XYLT1: variants seen among roughly 807,000 people sequenced by gnomAD.
XYLT1 encodes the protein beta-D-xylosyltransferase 1.
XYLT1 carries 36 observed loss-of-function variants against 91.3 expected under a neutral mutation model. The ratio of observed to expected loss-of-function variants is 0.39; its 90% CI spans 0.30 to 0.52. The LOEUF is 0.52. XYLT1 is among the 20% of genes least tolerant of loss of function. The probability of loss-of-function intolerance (pLI) is 0.68; values close to 1 mark genes in which losing one functional copy is unlikely to be tolerated. For missense variants in XYLT1, 1,242 were observed against 1,284.5 expected (o/e 0.97, Z 0.51); for synonymous variants, 588 against 532.0 (o/e 1.11, Z -1.45).
At chr16:17,423,919 C>T (rs1227078460) in intron 1 of XYLT1, among the ~76,000 whole-genome samples, 1 of 152,164 alleles carries the variant, frequency 6.6e-6, no homozygotes, top group Non-Finnish European at 1.5e-5. Flanking sequence ...CTCATCATGC[C>T]ACAGCAGTGG....
At chr16:17,219,872 T>C (rs1198727622) in intron 3 of XYLT1, among the ~76,000 whole-genome samples, 2 of 152,042 alleles carry the variant, frequency 1.3e-5, no homozygotes, top group African/African-American at 4.8e-5. Flanking sequence ...CTACTAGAAA[T>C]ACAAAAAAAT....
At chr16:17,380,999 G>C (rs1172989695) in intron 1 of XYLT1, among the ~76,000 whole-genome samples, 1 of 152,198 alleles carries the variant, frequency 6.6e-6, no homozygotes, top group Admixed American at 6.5e-5. Context: ...CAGGGGCTGG[G>C]GGTGAGAGTG....
chr16:17,211,588 TATAG>T (rs922968326), intron 3 of XYLT1, among the ~76,000 whole-genome samples: 30 of 152,214 alleles, frequency 2.0e-4, no homozygotes, highest in Admixed American at 1.8e-3. Flanking sequence ...TATCCCCATT[TATAG>T]ATAATCATCC....
At chr16:17,186,288 A>G (rs1215737962) in intron 5 of XYLT1, among the ~76,000 whole-genome samples, 1 of 151,854 alleles carries the variant, frequency 6.6e-6, no homozygotes, top group African/African-American at 2.4e-5. Context: ...TTTTTAGTAA[A>G]GACGGGGTTT....
chr16:17,226,640 A>G (rs1022758238), intron 3 of XYLT1, among the ~76,000 whole-genome samples: 8 of 152,140 alleles, frequency 5.3e-5, no homozygotes, highest in African/African-American at 1.4e-4. Context: ...TACAAAAATT[A>G]GCCAGGTGTG....
At chr16:17,251,371 G>A (rs112461549) in intron 3 of XYLT1, 2,806 of 152,344 alleles carry the variant, frequency 0.018, 32 homozygotes, top group Middle Eastern at 0.054. Context: ...TGCCCAGACC[G>A]GGGTTCCCCA....
intron 3 of XYLT1, among the ~76,000 whole-genome samples, chr16:17,232,758 A>G (rs898262113): frequency 6.6e-6 from 1 of 151,730 alleles, no homozygotes; most frequent in Non-Finnish European, 1.5e-5. Context: ...CAATGGTGGT[A>G]GTGATGAAGA....
chr16:17,313,755 G>C (rs1184591373), intron 2 of XYLT1, among the ~76,000 whole-genome samples: 1 of 151,580 alleles, frequency 6.6e-6, no homozygotes, highest in Non-Finnish European at 1.5e-5. Flanking sequence ...GACATGGAGC[G>C]ACTGTGGTTA....
At chr16:17,366,063 T>TG (rs2035450749) in intron 1 of XYLT1, among the ~76,000 whole-genome samples, 1 of 131,756 alleles carries the variant, frequency 7.6e-6, no homozygotes, top group African/African-American at 3.5e-5. Context: ...CTGGTTTGCT[T>TG]TTTTTTTTTT....
intron 1 of XYLT1, among the ~76,000 whole-genome samples, chr16:17,461,970 G>A (rs568427202): frequency 8.5e-5 from 13 of 152,228 alleles, no homozygotes; most frequent in African/African-American, 2.9e-4. Flanking sequence ...TGGTGCATTC[G>A]ATAAATGCAC....
At chr16:17,287,888 T>C (rs1287482445) in intron 2 of XYLT1, among the ~76,000 whole-genome samples, 1 of 151,818 alleles carries the variant, frequency 6.6e-6, no homozygotes, top group Non-Finnish European at 1.5e-5. Context: ...AAAAGATTAA[T>C]ACTAAGTGAG....
intron 5 of XYLT1, among the ~76,000 whole-genome samples, chr16:17,163,692 G>A (rs920002438): frequency 1.3e-5 from 2 of 152,172 alleles, no homozygotes; most frequent in Non-Finnish European, 2.9e-5. Context: ...TGTGCACAGA[G>A]CCCAGGGGAC....
intron 1 of XYLT1, among the ~76,000 whole-genome samples, chr16:17,375,520 G>A (rs1284035943): frequency 1.0e-5 from 1 of 100,144 alleles, no homozygotes; most frequent in Non-Finnish European, 2.3e-5. Context: ...GATTAGACGA[G>A]AGGTCTGGAA....
chr16:17,253,824 G>GAGAGAGAGAGAGAGAC (rs1491558244), intron 3 of XYLT1, among the ~76,000 whole-genome samples: 1 of 59,034 alleles, frequency 1.7e-5, no homozygotes. Context: ...CTTGCAACTT[G>GAGAGAGAGAGAGAGAC]AGAGAGAGAG....
At chr16:17,133,558 G>A (rs539846361) in intron 9 of XYLT1, among the ~76,000 whole-genome samples, 19 of 152,238 alleles carry the variant, frequency 1.2e-4, no homozygotes, top group South Asian at 4.1e-4. Flanking sequence ...TTATCATTGC[G>A]GAAGCTACTG....
intron 1 of XYLT1, among the ~76,000 whole-genome samples, chr16:17,414,888 G>A (rs547394370): frequency 1.3e-5 from 2 of 152,238 alleles, no homozygotes; most frequent in East Asian, 1.9e-4. Context: ...AACGGGGCCG[G>A]CATGTGGTGA....
intron 2 of XYLT1, among the ~76,000 whole-genome samples, chr16:17,318,017 A>T (rs1250647573): frequency 6.6e-6 from 1 of 152,198 alleles, no homozygotes; most frequent in Non-Finnish European, 1.5e-5. Flanking sequence ...ACCCTGTTTA[A>T]CCATTATCAC....
chr16:17,266,544 AG>A (rs559942230), intron 2 of XYLT1, among the ~76,000 whole-genome samples: 44 of 152,306 alleles, frequency 2.9e-4, no homozygotes, highest in Non-Finnish European at 4.4e-4. Flanking sequence ...ATTTGAACCC[AG>A]GCTGTCTAGG....
chr16:17,411,436 T>A (rs545624980), intron 1 of XYLT1, among the ~76,000 whole-genome samples: 1 of 152,304 alleles, frequency 6.6e-6, no homozygotes, highest in Non-Finnish European at 1.5e-5. Context: ...GCTGCTACTA[T>A]CACCTTGGGC....
Sources: gnomAD v4.1 joint callset for allele counts (sites outside exome capture counted in the v4.1 genomes callset) on GRCh38, gnomAD v4.1.1 for gene constraint, MANE v1.5 for transcripts, NCBI Gene and HGNC (gene_info 2026-07-23, HGNC 2026-07-21) for gene names.